The following NTRK2 variants were observed in gnomAD, a reference collection of about 807,000 sequenced individuals.
NTRK2 encodes the protein neurotrophic receptor tyrosine kinase 2.
Under a neutral mutation model 94.5 loss-of-function variants are expected in NTRK2, and 13 were observed. The ratio of observed to expected loss-of-function variants is 0.14; its 90% CI spans 0.09 to 0.22. NTRK2 has a LOEUF of 0.22. Ranked by LOEUF, NTRK2 falls within the 10% of genes least tolerant of loss-of-function variation. NTRK2 has a pLI of 1.00. For missense variants in NTRK2, 639 were observed against 1,071.2 expected, an observed-to-expected ratio of 0.60 and a Z score of 5.63; for synonymous variants, 372 against 407.4, an observed-to-expected ratio of 0.91 and a Z score of 1.05.
chr9:84,786,049 A>G (rs560897828), intron 12 of NTRK2, among the ~76,000 whole-genome samples: 1 of 152,300 alleles, frequency 6.6e-6, no homozygotes, highest in African/African-American at 2.4e-5. Flanking sequence ...AAAGTCGCCC[A>G]TGCCTTTGTA....
rs117395919 is a variant in NTRK2, at chr9:84,899,391, A to G, written c.1633+31960A>G. Among the ~76,000 whole-genome samples the G allele has an allele frequency of 5.9e-3, 897 of 152,324 alleles. 4 individuals are homozygous for G. The highest frequency in any genetic ancestry group is 0.01 in the Non-Finnish European group (699 of 68,024). On this transcript the variant is annotated intron_variant, in intron 14 of 18. Coordinates refer to ENST00000277120, the MANE Select transcript of NTRK2 (RefSeq NM_006180.6). ...GGGTGCCCAGAGGAATGGGTTTTAT[A>G]TTTGTACCTCCAATCTCAGTTGAAT... is the stretch of plus-strand genomic sequence containing the variant.
intron 2 of NTRK2, among the ~76,000 whole-genome samples, chr9:84,683,635 G>T (rs918154228): frequency 6.6e-6 from 1 of 152,100 alleles, no homozygotes. Flanking sequence ...ATTGTAAATA[G>T]TGCCGCAATA....
At chr9:85,003,355 GC>G (rs1830533182) in intron 17 of NTRK2, among the ~76,000 whole-genome samples, 1 of 152,192 alleles carries the variant, frequency 6.6e-6, no homozygotes, top group South Asian at 2.1e-4. Context: ...GAGTACTAGA[GC>G]TACAGCAGCA....
At chr9:84,721,973 T>C (rs1432301551) in intron 6 of NTRK2, among the ~76,000 whole-genome samples, 3 of 152,174 alleles carry the variant, frequency 2.0e-5, no homozygotes, top group Non-Finnish European at 4.4e-5. Context: ...TGCCTTGACA[T>C]GCTCTGTAAT....
chr9:85,010,887 C>T (rs912165021), intron 17 of NTRK2, among the ~76,000 whole-genome samples: 1 of 152,102 alleles, frequency 6.6e-6, no homozygotes, highest in African/African-American at 2.4e-5. Flanking sequence ...AAATTGTGTA[C>T]AGTATACAAG....
chr9:84,969,990 C>T lies in NTRK2; in HGVS notation c.2172+14473C>T, dbSNP rs1588078579. Among the ~76,000 whole-genome samples, 4 of 152,168 alleles carry T rather than the reference C, an allele frequency of 2.6e-5. No homozygotes were observed. In the South Asian group the frequency reaches 8.3e-4, roughly 32 times the overall value. ...AGGAGAATTGCATAAACAGCATAGT[C>T]TCTGGAGCCAGATTTTCTGGGTTCA... On this transcript the variant is annotated intron_variant, in intron 17 of 18. Coordinates refer to ENST00000277120, the MANE Select transcript of NTRK2 (RefSeq NM_006180.6).
intron 14 of NTRK2, among the ~76,000 whole-genome samples, chr9:84,922,311 C>A (rs1419107206): frequency 1.3e-5 from 2 of 152,216 alleles, no homozygotes; most frequent in Admixed American, 6.5e-5. Flanking sequence ...AAGTTCTGCT[C>A]AGCTTACTAG....
chr9:84,786,879 G>A (rs762992335), intron 12 of NTRK2, among the ~76,000 whole-genome samples: 5 of 152,012 alleles, frequency 3.3e-5, no homozygotes, highest in East Asian at 3.9e-4. Flanking sequence ...ATCCACTCTC[G>A]ATTTTCATCT....
chr9:84,930,883 C>T (rs988897843), intron 14 of NTRK2, among the ~76,000 whole-genome samples: 1 of 152,128 alleles, frequency 6.6e-6, no homozygotes, highest in Non-Finnish European at 1.5e-5. Flanking sequence ...GATGTTCTTC[C>T]CACTGCTGCC....
chr9:85,012,559 CAT>C (rs1831742807), intron 17 of NTRK2, among the ~76,000 whole-genome samples: 1 of 152,156 alleles, frequency 6.6e-6, no homozygotes, highest in African/African-American at 2.4e-5. Flanking sequence ...CAAAGAAAGA[CAT>C]TTTTCTAATA....
chr9:84,982,442 C>T (rs1827746195), intron 17 of NTRK2, among the ~76,000 whole-genome samples: 2 of 152,138 alleles, frequency 1.3e-5, no homozygotes, highest in Admixed American at 6.5e-5. Flanking sequence ...AGAAATCTCC[C>T]CTAGGAATCT....
At chr9:84,733,119 T>C (rs1290557176) in intron 9 of NTRK2, among the ~76,000 whole-genome samples, 1 of 152,210 alleles carries the variant, frequency 6.6e-6, no homozygotes, top group African/African-American at 2.4e-5. Flanking sequence ...GGCCTTGTCC[T>C]CTGAGCCATC....
At chr9:84,857,856 G>A (rs1335880790) in intron 12 of NTRK2, among the ~76,000 whole-genome samples, 2 of 152,042 alleles carry the variant, frequency 1.3e-5, no homozygotes, top group Non-Finnish European at 2.9e-5. Flanking sequence ...ATTTTGATAC[G>A]AAGCCTGTGT....
intron 12 of NTRK2, among the ~76,000 whole-genome samples, chr9:84,770,949 T>C (rs2066485937): frequency 1.3e-5 from 2 of 152,218 alleles, no homozygotes; most frequent in Admixed American, 6.5e-5. Flanking sequence ...CTTCTATTTC[T>C]AGAGCTATCA....
chr9:84,698,092 T>C (rs2060496613), intron 2 of NTRK2, among the ~76,000 whole-genome samples: 1 of 152,178 alleles, frequency 6.6e-6, no homozygotes, highest in East Asian at 1.9e-4. Flanking sequence ...TAAAATAGTT[T>C]AGCAGTTTAA....
Position 84,738,235 on chromosome 9 carries a change from C to A in NTRK2, c.1160-3657C>A, listed in dbSNP as rs971869739. On this transcript the variant is annotated intron_variant, in intron 9 of 18. Transcript: ENST00000277120. ...TAGCACTCAAGAAATCATAATAACC[C>A]TTTCAAAACCCCACTTTCAGGGGCA... 3.8e-4 allele frequency among the ~76,000 whole-genome samples: 58 copies of A among 151,542 alleles called. 1 individual carries two copies. The highest frequency in any genetic ancestry group is 1.4e-3 in the African/African-American group (56 of 40,884).
At chr9:84,814,630 T>TG in intron 12 of NTRK2, 1 of 1,065,688 alleles carries the variant, frequency 9.4e-7, no homozygotes, top group East Asian at 5.0e-5. Context: ...CCGCCTGTTT[T>TG]GGTGCTAGCT....
intron 12 of NTRK2, among the ~76,000 whole-genome samples, chr9:84,840,752 C>A (rs2074135420): frequency 6.6e-6 from 1 of 152,136 alleles, no homozygotes; most frequent in African/African-American, 2.4e-5. Flanking sequence ...AGGGTTCTTT[C>A]TTTCTCCAAT....
chr9:84,998,384 C>G (rs562868438), intron 17 of NTRK2, among the ~76,000 whole-genome samples: 214 of 152,322 alleles, frequency 1.4e-3, no homozygotes, highest in Non-Finnish European at 2.7e-3. Context: ...CCACTAGCTG[C>G]ACCGGCCCAG....
Sources: gnomAD v4.1 joint callset for allele counts (sites outside exome capture counted in the v4.1 genomes callset) on GRCh38, gnomAD v4.1.1 for gene constraint, MANE v1.5 for transcripts, NCBI Gene and HGNC (gene_info 2026-07-23, HGNC 2026-07-21) for gene names.